The following KLRG1 variants were observed in gnomAD, a reference collection of about 807,000 sequenced individuals.
KLRG1 encodes the protein killer cell lectin-like receptor subfamily G member 1.
A neutral mutation model predicts 21.8 loss-of-function variants in KLRG1; 16 were observed. The ratio of observed to expected loss-of-function variants is 0.73; its 90% confidence interval spans 0.50 to 1.11. KLRG1 has a LOEUF of 1.11. Among genes scored for constraint, KLRG1 ranks in the 50% most tolerant of loss-of-function variants. The pLI is 0.00. For missense variants in KLRG1, 173 were observed against 218.3 expected, an observed-to-expected ratio of 0.79 and a Z score of 1.31; for synonymous variants, 69 against 75.9, an observed-to-expected ratio of 0.91 and a Z score of 0.47.
chr12:9,021,213 C>T, the KLRG1 span, among the ~76,000 whole-genome samples: 1 of 152,094 alleles, frequency 6.6e-6, no homozygotes, highest in African/African-American at 2.4e-5. Flanking sequence ...AACTTGCAGA[C>T]TGGAAGTTGC....
intron 1 of KLRG1, among the ~76,000 whole-genome samples, chr12:8,973,921 T>A (rs550925668): frequency 9.2e-5 from 14 of 152,200 alleles, no homozygotes; most frequent in Non-Finnish European, 2.1e-4. Flanking sequence ...TCTGCAACTT[T>A]ACTAGTTCTA....
At chr12:9,101,507 T>G in the KLRG1 span, 1 of 1,613,926 alleles carries the variant, frequency 6.2e-7, no homozygotes, top group Non-Finnish European at 8.5e-7. Context: ...GAATATAATG[T>G]GCCTGGACTG....
At chr12:9,089,319 G>A in the KLRG1 span, 242 of 1,111,610 alleles carry the variant, frequency 2.2e-4, 2 homozygotes, top group African/African-American at 3.4e-3. Context: ...TTAATGGAGG[G>A]ACCACAGATA....
intron 1 of KLRG1, among the ~76,000 whole-genome samples, chr12:8,967,398 C>T (rs1383880403): frequency 6.6e-6 from 1 of 151,950 alleles, no homozygotes; most frequent in Non-Finnish European, 1.5e-5. Flanking sequence ...TAAAAGACAC[C>T]TGTTTTAATT....
chr12:9,143,428 T>C, the KLRG1 span, among the ~76,000 whole-genome samples: 2 of 151,780 alleles, frequency 1.3e-5, no homozygotes, highest in Admixed American at 6.6e-5. Context: ...TCCAGGGGGA[T>C]GAGGATAGAG....
chr12:9,052,614 A>G, the KLRG1 span, among the ~76,000 whole-genome samples: 1 of 152,170 alleles, frequency 6.6e-6, no homozygotes, highest in Non-Finnish European at 1.5e-5. Flanking sequence ...ATCATCTGAT[A>G]TCTCAAAAGA....
At chr12:9,215,274 A>G in the KLRG1 span, among the ~76,000 whole-genome samples, 1 of 152,006 alleles carries the variant, frequency 6.6e-6, no homozygotes. Flanking sequence ...GTCAACTTTC[A>G]GACTGTACCA....
At chr12:9,203,759 A>G in the KLRG1 span, 2 of 1,613,804 alleles carry the variant, frequency 1.2e-6, no homozygotes, top group African/African-American at 2.7e-5. Flanking sequence ...CTGGCACCGT[A>G]GCACTCACAG....
chr12:9,188,100 A>G, the KLRG1 span, among the ~76,000 whole-genome samples: 2 of 152,242 alleles, frequency 1.3e-5, no homozygotes, highest in South Asian at 4.1e-4. Context: ...AATATTCCTG[A>G]TGAACATTGA....
At chr12:8,982,691 G>C (rs1265903575) in intron 1 of KLRG1, among the ~76,000 whole-genome samples, 1 of 148,986 alleles carries the variant, frequency 6.7e-6, no homozygotes, top group African/African-American at 2.5e-5. Flanking sequence ...TGTTGTCCAG[G>C]CTGGAGTGCA....
At chr12:9,094,959 A>C in the KLRG1 span, 1 of 1,376,050 alleles carries the variant, frequency 7.3e-7, no homozygotes, top group Non-Finnish European at 9.8e-7. Context: ...TATATTTATT[A>C]ATTTTTTGTT....
At chr12:9,042,035 C>T in the KLRG1 span, among the ~76,000 whole-genome samples, 1 of 152,086 alleles carries the variant, frequency 6.6e-6, no homozygotes, top group Non-Finnish European at 1.5e-5. Flanking sequence ...GCTGGAAGGA[C>T]AAGGAACACA....
At chr12:9,169,673 T>C in the KLRG1 span, 1 of 1,301,762 alleles carries the variant, frequency 7.7e-7, no homozygotes, top group Non-Finnish European at 1.0e-6. Context: ...ATAAAATAAT[T>C]ATCACCAATC....
chr12:9,165,922 G>A, the KLRG1 span: 2 of 1,139,544 alleles, frequency 1.8e-6, no homozygotes, highest in South Asian at 3.1e-5. Context: ...TTTTACTTAG[G>A]TCTATCCTAA....
At chr12:9,036,936 G>T in the KLRG1 span, 1 of 278,928 alleles carries the variant, frequency 3.6e-6, no homozygotes. Flanking sequence ...ACAATAATGG[G>T]GCAGAATTTG....
chr12:9,087,468 A>C, the KLRG1 span, among the ~76,000 whole-genome samples: 1 of 152,188 alleles, frequency 6.6e-6, no homozygotes, highest in East Asian at 1.9e-4. Context: ...TCAAATTCAC[A>C]GGAGCAGAGA....
chr12:9,004,252 A>G (rs1392028382), intron 3 of KLRG1, among the ~76,000 whole-genome samples: 1 of 152,124 alleles, frequency 6.6e-6, no homozygotes, highest in African/African-American at 2.4e-5. Context: ...TGGTATTTCT[A>G]GTTCTAGATC....
chr12:9,050,631 C>T, the KLRG1 span, among the ~76,000 whole-genome samples: 3 of 152,224 alleles, frequency 2.0e-5, no homozygotes, highest in African/African-American at 7.2e-5. Context: ...CCGGAGGGGG[C>T]CGGGAGTAGG....
chr12:9,169,573 CAGTT>C, the KLRG1 span: 1 of 1,612,050 alleles, frequency 6.2e-7, no homozygotes, highest in East Asian at 2.2e-5. Flanking sequence ...AGATCCTTCA[CAGTT>C]AGCAGATTAT....
Sources: allele counts gnomAD v4.1 joint callset (sites outside exome capture counted in the v4.1 genomes callset), GRCh38; gene constraint gnomAD v4.1.1; transcripts MANE v1.5; gene names NCBI Gene and HGNC (gene_info 2026-07-23, HGNC 2026-07-21).